MYLK: variants seen among roughly 807,000 people sequenced by gnomAD.
MYLK encodes the protein myosin light chain kinase, smooth muscle.
In MYLK, 106 loss-of-function variants were observed where a neutral mutation model predicts 203.4. That is an observed-to-expected ratio of 0.52 (90% CI 0.45 to 0.61). MYLK has a LOEUF of 0.61. MYLK is among the 20% of genes least tolerant of loss of function. The pLI, the probability that MYLK is intolerant of heterozygous loss-of-function variation, is 0.00. For synonymous variants in MYLK, 867 were observed against 959.5 expected (o/e 0.90, Z 1.78); for missense variants, 2,072 against 2,442.3 (o/e 0.85, Z 3.20).
At chr3:123,798,053 G>A (rs922394859) in intron 3 of MYLK, among the ~76,000 whole-genome samples, 1 of 152,136 alleles carries the variant, frequency 6.6e-6, no homozygotes, top group Non-Finnish European at 1.5e-5. Flanking sequence ...GCAGCTTCCC[G>A]CAGCACCTTT....
chr3:123,812,824 T>A (rs1179838572), intron 3 of MYLK, among the ~76,000 whole-genome samples: 1 of 152,230 alleles, frequency 6.6e-6, no homozygotes, highest in African/African-American at 2.4e-5. Context: ...TGAAGGTCTT[T>A]ACCTCCTGTT....
chr3:123,815,744 C>T (rs1028011617), intron 3 of MYLK, among the ~76,000 whole-genome samples: 30 of 152,272 alleles, frequency 2.0e-4, no homozygotes, highest in African/African-American at 4.6e-4. Context: ...TACCGCTTAA[C>T]GTAAATAATT....
intron 4 of MYLK, among the ~76,000 whole-genome samples, chr3:123,792,056 T>C (rs1306156747): frequency 6.6e-6 from 1 of 152,200 alleles, no homozygotes; most frequent in African/African-American, 2.4e-5. Context: ...AGAACTCCAG[T>C]GTGTTGGCTC....
chr3:123,752,892 C>T (rs1010159574), intron 4 of MYLK, among the ~76,000 whole-genome samples: 17 of 152,298 alleles, frequency 1.1e-4, no homozygotes, highest in African/African-American at 3.4e-4. Context: ...GGACTGAGTA[C>T]GGGGATTCTA....
chr3:123,853,286 G>C (rs1178835272), intron 2 of MYLK, among the ~76,000 whole-genome samples: 1 of 152,002 alleles, frequency 6.6e-6, no homozygotes, highest in African/African-American at 2.4e-5. Flanking sequence ...GAGGTCTCTG[G>C]GCCCTCAACT....
intron 2 of MYLK, among the ~76,000 whole-genome samples, chr3:123,858,544 G>A (rs1340507641): frequency 1.3e-5 from 2 of 152,106 alleles, no homozygotes; most frequent in Non-Finnish European, 2.9e-5. Flanking sequence ...GATTCCTGAG[G>A]CAGTGCAGTA....
At position 123,677,918 on chromosome 3, in the gene MYLK, T is replaced by TATACAC. The variant is rs1273803739; in HGVS notation, c.3652+4305_3652+4306insGTGTAT. ...ATATATATATATATATATATATATA[T>TATACAC]ACACACACACACACACAGAGTACAT... On this transcript the variant is annotated intron_variant, in intron 20 of 33. Transcript: ENST00000360304. 1.1e-3 allele frequency among the ~76,000 whole-genome samples: 89 copies of TATACAC among 78,864 alleles called. 1 individual carries two copies. Among genetic ancestry groups the TATACAC allele is most frequent in the African/African-American group, 5.2e-3 (85 of 16,430 alleles). 51.7% of individuals were successfully genotyped at this position (78,864 alleles called of 152,430 possible).
chr3:123,771,959 T>A (rs2063899199), intron 4 of MYLK, among the ~76,000 whole-genome samples: 1 of 152,178 alleles, frequency 6.6e-6, no homozygotes, highest in South Asian at 2.1e-4. Context: ...AGCTGAACTA[T>A]CATAATTTGG....
intron 29 of MYLK, among the ~76,000 whole-genome samples, chr3:123,631,291 G>A (rs540688385): frequency 6.1e-4 from 92 of 152,020 alleles, no homozygotes; most frequent in South Asian, 3.3e-3. Flanking sequence ...CCAGCTACTC[G>A]GGAGGCTGAG....
chr3:123,883,244 T>C (rs565718618), intron 1 of MYLK, among the ~76,000 whole-genome samples: 1 of 152,266 alleles, frequency 6.6e-6, no homozygotes, highest in East Asian at 1.9e-4. Context: ...GTCTTTGCAC[T>C]TGGGGAGAGG....
intron 19 of MYLK, among the ~76,000 whole-genome samples, chr3:123,684,399 G>C (rs140292237): frequency 1.2e-4 from 18 of 152,304 alleles, no homozygotes; most frequent in South Asian, 2.1e-4. Context: ...TTGATATCTG[G>C]GGATGAGGGT....
chr3:123,840,688 T>C (rs931451339), intron 2 of MYLK, among the ~76,000 whole-genome samples: 1 of 151,918 alleles, frequency 6.6e-6, no homozygotes, highest in African/African-American at 2.4e-5. Context: ...TTCAGCAATA[T>C]ATTTTGAAAA....
At chr3:123,721,471 C>T (rs146486145) in intron 13 of MYLK, among the ~76,000 whole-genome samples, 89 of 152,350 alleles carry the variant, frequency 5.8e-4, no homozygotes, top group African/African-American at 2.1e-3. Flanking sequence ...CTGAGGCTCC[C>T]TGCAGTTCCC....
At chr3:123,709,131 AT>A in intron 14 of MYLK, 1 of 351,874 alleles carries the variant, frequency 2.8e-6, no homozygotes, top group East Asian at 4.9e-5. Flanking sequence ...AAGTTCTCAC[AT>A]AATTTTTTTT....
chr3:123,739,062 C>T lies in MYLK; in HGVS notation c.423G>A (p.Gly141=), dbSNP rs1265092283. 2 of 1,613,684 alleles carry T rather than the reference C, an allele frequency of 1.2e-6. 1 individual carries two copies. The highest frequency in any genetic ancestry group is 4.5e-5 in the East Asian group (2 of 44,850). ...LGQPVVSKTL[G]DRFSAPAVET... ...CCACTGCTGGAGCTGAAAATCTATC[C>T]CTGTAAGGAAATTGGCAGAGAATCC... Residue 141 remains glycine, a splice_region_variant and synonymous_variant, in exon 7 of 34, where the codon GGG becomes GGA. Coordinates refer to ENST00000360304, the MANE Select transcript of MYLK (RefSeq NM_053025.4).
intron 2 of MYLK, among the ~76,000 whole-genome samples, chr3:123,856,731 T>C (rs2031408897): frequency 6.6e-6 from 1 of 152,120 alleles, no homozygotes; most frequent in African/African-American, 2.4e-5. Flanking sequence ...CCAAATTGTT[T>C]CCATATTGCA....
chr3:123,630,691 A>G (rs1341430696), intron 29 of MYLK: 2 of 152,250 alleles, frequency 1.3e-5, no homozygotes, highest in Non-Finnish European at 2.9e-5. Flanking sequence ...GAGGCGGTCC[A>G]TGCCCGGAGA....
chr3:123,871,952 T>C (rs2032820858), intron 2 of MYLK, among the ~76,000 whole-genome samples: 1 of 145,530 alleles, frequency 6.9e-6, no homozygotes. Flanking sequence ...ACAAGTGGAG[T>C]TTATTCTGGG....
At chr3:123,858,156 CT>C (rs1335278030) in intron 2 of MYLK, among the ~76,000 whole-genome samples, 1 of 152,202 alleles carries the variant, frequency 6.6e-6, no homozygotes, top group Non-Finnish European at 1.5e-5. Flanking sequence ...ATGTTTATCA[CT>C]TGCAATAGTG....
Sources: gnomAD v4.1 joint callset for allele counts (sites outside exome capture counted in the v4.1 genomes callset) on GRCh38, gnomAD v4.1.1 for gene constraint, MANE v1.5 for transcripts, NCBI Gene and HGNC (gene_info 2026-07-23, HGNC 2026-07-21) for gene names.